CCDC73: variants seen among roughly 807,000 people sequenced by gnomAD.
The protein encoded by CCDC73 is coiled-coil domain containing 73, also known as coiled-coil domain-containing protein 73.
A neutral mutation model predicts 116.5 loss-of-function variants in CCDC73; 95 were observed. The ratio of observed to expected loss-of-function variants is 0.82; its 90% confidence interval spans 0.69 to 0.97. The LOEUF (loss-of-function observed/expected upper bound fraction) is 0.97, where lower values mean the gene tolerates loss of function less well. Among genes scored for constraint, CCDC73 ranks in the 50% least tolerant of loss-of-function variants. The pLI is 0.00. For missense variants in CCDC73, 1,066 were observed against 1,206.8 expected, an observed-to-expected ratio of 0.88 and a Z score of 1.73; for synonymous variants, 398 against 401.3, an observed-to-expected ratio of 0.99 and a Z score of 0.10.
At chr11:32,654,639 T>C (rs955709214) in intron 10 of CCDC73, among the ~76,000 whole-genome samples, 31 of 152,214 alleles carry the variant, frequency 2.0e-4, no homozygotes, top group African/African-American at 7.5e-4. Flanking sequence ...CTCAAAACCA[T>C]ATTCAAGTAG....
the CCDC73 span, among the ~76,000 whole-genome samples, chr11:32,819,161 T>A: frequency 1.9e-5 from 2 of 104,800 alleles, no homozygotes; most frequent in Non-Finnish European, 3.8e-5. Flanking sequence ...ATTAGGACAG[T>A]GATTTTTTTT....
intron 1 of CCDC73, among the ~76,000 whole-genome samples, 194 bp from the exon 2 acceptor site, chr11:32,760,452 A>G (rs1850382501): frequency 6.6e-6 from 1 of 152,158 alleles, no homozygotes; most frequent in South Asian, 2.1e-4. Flanking sequence ...CTGTTTCCCT[A>G]TGGTTGAAGC....
intron 2 of CCDC73, among the ~76,000 whole-genome samples, chr11:32,735,790 T>C (rs1197882718): frequency 6.6e-6 from 1 of 152,166 alleles, no homozygotes; most frequent in Non-Finnish European, 1.5e-5. Flanking sequence ...CAAAACAGCA[T>C]GGTACTGGTA....
At chr11:32,604,818 T>C (rs1195476728) in intron 17 of CCDC73, 1 of 152,156 alleles carries the variant, frequency 6.6e-6, no homozygotes, top group Non-Finnish European at 1.5e-5. Flanking sequence ...TTAGTAACAT[T>C]GTCATTTTCA....
intron 4 of CCDC73, among the ~76,000 whole-genome samples, chr11:32,702,146 A>G (rs1171894659): frequency 6.6e-6 from 1 of 152,232 alleles, no homozygotes; most frequent in Non-Finnish European, 1.5e-5. Context: ...ATCTACACAC[A>G]CTTGTATTAT....
intron 9 of CCDC73, 112 bp from the exon 10 acceptor site, chr11:32,655,084 T>TGTTTCATATATC (rs1855859316): frequency 8.3e-6 from 1 of 119,844 alleles, no homozygotes; most frequent in South Asian, 1.4e-4. Context: ...TAATTTGTTA[T>TGTTTCATATATC]AATTCCCTTG....
chr11:32,754,619 G>A (rs1022292606), intron 2 of CCDC73, among the ~76,000 whole-genome samples: 1 of 152,020 alleles, frequency 6.6e-6, no homozygotes, highest in Non-Finnish European at 1.5e-5. Context: ...AGAGCAAATA[G>A]AAATGATGGA....
At chr11:32,637,443 AT>A (rs751745298) in intron 13 of CCDC73, among the ~76,000 whole-genome samples, 19 of 151,976 alleles carry the variant, frequency 1.3e-4, no homozygotes, top group Non-Finnish European at 5.9e-5. Flanking sequence ...TAGCAAAAGG[AT>A]TTTTTCCAAG....
chr11:32,638,532 G>A (rs778973888), intron 13 of CCDC73, among the ~76,000 whole-genome samples: 1 of 151,982 alleles, frequency 6.6e-6, no homozygotes, highest in African/African-American at 2.4e-5. Flanking sequence ...CCAGGCTGGA[G>A]CACAGTGGCG....
At chr11:32,695,774 TAAA>T (rs59419534) in intron 6 of CCDC73, among the ~76,000 whole-genome samples, 1 of 129,492 alleles carries the variant, frequency 7.7e-6, no homozygotes, top group Non-Finnish European at 1.6e-5. Flanking sequence ...AGTTTGGTTG[TAAA>T]AAAAAAAAAA....
At chr11:32,773,726 G>C (rs1425156729) in intron 1 of CCDC73, among the ~76,000 whole-genome samples, 1 of 151,528 alleles carries the variant, frequency 6.6e-6, no homozygotes, top group Non-Finnish European at 1.5e-5. Flanking sequence ...GTAACAGTGA[G>C]CTATGATCGC....
chr11:32,695,710 C>G (rs7105305), intron 6 of CCDC73, among the ~76,000 whole-genome samples: 88,673 of 149,128 alleles, frequency 0.59, 26,454 homozygotes, highest in East Asian at 0.85. Flanking sequence ...TGTGTGGCTT[C>G]AGTTTAAAAA....
At chr11:32,629,617 C>T (rs987158967) in intron 14 of CCDC73, among the ~76,000 whole-genome samples, 1 of 152,034 alleles carries the variant, frequency 6.6e-6, no homozygotes, top group Admixed American at 6.6e-5. Context: ...CCAGGATGGT[C>T]TCGATCTCCT....
chr11:32,608,629 T>A (rs2133215052), intron 17 of CCDC73, among the ~76,000 whole-genome samples: 2 of 152,236 alleles, frequency 1.3e-5, no homozygotes, highest in African/African-American at 4.8e-5. Flanking sequence ...GGCCCTCTTC[T>A]CATAGCTCCA....
At chr11:32,789,666 A>T (rs972536632) in intron 1 of CCDC73, among the ~76,000 whole-genome samples, 3 of 152,112 alleles carry the variant, frequency 2.0e-5, no homozygotes, top group Non-Finnish European at 4.4e-5. Context: ...TCAGCTACTC[A>T]GGAGGCTGAG....
the CCDC73 span, among the ~76,000 whole-genome samples, chr11:32,805,138 G>T: frequency 6.6e-6 from 1 of 152,192 alleles, no homozygotes; most frequent in African/African-American, 2.4e-5. Context: ...GCTGAGTAGA[G>T]TGAGTTTCTA....
intron 8 of CCDC73, 101 bp from the exon 9 acceptor site, chr11:32,675,745 A>G (rs7116464): frequency 0.58 from 670,506 of 1,154,140 alleles, 199,068 homozygotes; most frequent in East Asian, 0.86. Context: ...TGCAATATAT[A>G]TGTTATTTAA....
chr11:32,636,285 T>G (rs974581291), intron 13 of CCDC73, among the ~76,000 whole-genome samples: 1 of 152,144 alleles, frequency 6.6e-6, no homozygotes, highest in Admixed American at 6.5e-5. Context: ...AACATTATAC[T>G]TCCATTGTTT....
At chr11:32,757,983 A>T (rs530232473) in intron 2 of CCDC73, among the ~76,000 whole-genome samples, 1 of 152,312 alleles carries the variant, frequency 6.6e-6, no homozygotes, top group East Asian at 1.9e-4. Flanking sequence ...CAATGGGTAT[A>T]TGGGTGTTCA....
Sources: allele counts gnomAD v4.1 joint callset (sites outside exome capture counted in the v4.1 genomes callset), GRCh38; gene constraint gnomAD v4.1.1; transcripts MANE v1.5; gene names NCBI Gene and HGNC (gene_info 2026-07-23, HGNC 2026-07-21).